Variants in XCR1 observed in about 807,000 individuals in gnomAD.
The protein encoded by XCR1 is chemokine XC receptor 1.
For synonymous variants in XCR1, 187 were observed against 188.5 expected (o/e 0.99, Z 0.06); for missense variants, 356 against 424.2 (o/e 0.84, Z 1.41).
intron 4 of XCR1, among the ~76,000 whole-genome samples, chr3:46,058,898 T>C (rs1276436500): frequency 6.6e-6 from 1 of 152,110 alleles, no homozygotes; most frequent in Non-Finnish European, 1.5e-5. Context: ...AAGGCATTGA[T>C]TGGGAAGTAA....
At position 46,021,021 on chromosome 3, in the gene XCR1, C is replaced by T; in HGVS notation, c.927G>A (p.Arg309=). The change falls in exon 2 of 2, where the codon CGG becomes CGA. Residue 309 remains arginine (R), a synonymous_variant. Coordinates refer to ENST00000309285, the MANE Select transcript of XCR1 (RefSeq NM_001024644.2). This position sits in a 1 kb window ranked among gnomAD's most constrained non-coding sequence, Gnocchi z 4.7. ...KHVLRQFWFC[R]LQAPSPASIP... The stretch of plus-strand genomic sequence containing the variant: ...TCGAGGCTGGGCTGGGTGCCTGCAG[C>T]CGGCAGAACCAGAACTGCCGGAGAA... The T allele has an allele frequency of 6.2e-7, 1 of 1,613,464 alleles. No homozygotes were observed. The highest frequency in any genetic ancestry group is 8.5e-7 in the Non-Finnish European group (1 of 1,179,662).
chr3:46,042,052 T>TG (rs1697545137), intron 5 of XCR1, among the ~76,000 whole-genome samples: 1 of 152,196 alleles, frequency 6.6e-6, no homozygotes, highest in Admixed American at 6.5e-5. Flanking sequence ...AGTGAACCAC[T>TG]GGTGTTTCAG....
chr3:46,053,330 G>A (rs1480014650), intron 5 of XCR1, among the ~76,000 whole-genome samples: 1 of 145,428 alleles, frequency 6.9e-6, no homozygotes, highest in Non-Finnish European at 1.5e-5. Context: ...AATAGGAAAA[G>A]CACGAGGTCC....
chr3:46,065,023 G>T (rs1012572140), intron 4 of XCR1, among the ~76,000 whole-genome samples: 2 of 152,050 alleles, frequency 1.3e-5, no homozygotes, highest in Non-Finnish European at 2.9e-5. Flanking sequence ...CCAGCAAGGT[G>T]CAGGTTGTGG....
At chr3:46,070,642 T>C (rs961138707) in intron 3 of XCR1, among the ~76,000 whole-genome samples, 9 of 152,120 alleles carry the variant, frequency 5.9e-5, no homozygotes, top group Non-Finnish European at 1.0e-4. Flanking sequence ...ACCCCTTTAC[T>C]TTCAGTATAT....
chr3:46,048,963 G>A (rs887185992), intron 5 of XCR1, among the ~76,000 whole-genome samples: 1 of 152,170 alleles, frequency 6.6e-6, no homozygotes, highest in Non-Finnish European at 1.5e-5. Flanking sequence ...ATAGCCCAAA[G>A]CTGCAAGAAA....
At chr3:46,037,135 G>A (rs543814196) in intron 5 of XCR1, among the ~76,000 whole-genome samples, 11 of 152,158 alleles carry the variant, frequency 7.2e-5, no homozygotes, top group South Asian at 2.1e-4. Context: ...TTGCCTCATA[G>A]TATTTCACTA....
chr3:46,073,628 G>A (rs1432217891), intron 3 of XCR1, among the ~76,000 whole-genome samples: 1 of 152,022 alleles, frequency 6.6e-6, no homozygotes, highest in Non-Finnish European at 1.5e-5. Flanking sequence ...AAACAACAGA[G>A]TGGACAGAGA....
At position 46,021,792 on chromosome 3, in the gene XCR1, G is replaced by T; in HGVS notation, c.156C>A (p.Val52=). The change falls in exon 2 of 2, where the codon GTC becomes GTA. Residue 52 remains valine, a synonymous_variant. Transcript: ENST00000309285. This position sits in a 1 kb window ranked among gnomAD's most constrained non-coding sequence, Gnocchi z 4.7. ...TCTCATACTTCACCAGGACCCACAG[G>T]ACCAGGCTGTTGCCCACTAGGCTGA... ...FLLSLVGNSL[V]LWVLVKYESL... 2.5e-6 allele frequency: 4 copies of T among 1,614,142 alleles called. No homozygotes were observed. Among genetic ancestry groups the T allele is most frequent in the Non-Finnish European group, 3.4e-6 (4 of 1,180,030 alleles).
chr3:46,043,134 A>G (rs1447280165), intron 5 of XCR1, among the ~76,000 whole-genome samples: 1 of 152,192 alleles, frequency 6.6e-6, no homozygotes, highest in Non-Finnish European at 1.5e-5. Context: ...TTTCATGATA[A>G]AAACACTCAG....
intron 5 of XCR1, among the ~76,000 whole-genome samples, chr3:46,043,919 A>G (rs62242840): frequency 0.017 from 2,584 of 152,136 alleles, 28 homozygotes; most frequent in Non-Finnish European, 0.026. Flanking sequence ...TCTTGCCAAC[A>G]CTTGTTGTTT....
At chr3:46,048,827 G>T (rs1318522910) in intron 5 of XCR1, among the ~76,000 whole-genome samples, 1 of 152,158 alleles carries the variant, frequency 6.6e-6, no homozygotes, top group Non-Finnish European at 1.5e-5. Flanking sequence ...ATATAGTTTT[G>T]ATTGAGGTGG....
At chr3:46,023,637 C>A (rs1708216940) in intron 1 of XCR1, 2 of 1,360,362 alleles carry the variant, frequency 1.5e-6, no homozygotes, top group Non-Finnish European at 2.1e-6. Flanking sequence ...GCCAGAGCCC[C>A]CTTTCTCAGA....
chr3:46,065,717 C>A (rs1405044709), intron 4 of XCR1, among the ~76,000 whole-genome samples: 1 of 152,190 alleles, frequency 6.6e-6, no homozygotes, highest in East Asian at 1.9e-4. Context: ...TCAAGCAGAG[C>A]AAATTACTGC....
chr3:46,051,649 G>T (rs1466954872), intron 5 of XCR1, among the ~76,000 whole-genome samples: 1 of 152,228 alleles, frequency 6.6e-6, no homozygotes, highest in Non-Finnish European at 1.5e-5. Context: ...CTTTTGTGGA[G>T]AAGGGTGTAA....
intron 3 of XCR1, among the ~76,000 whole-genome samples, chr3:46,074,240 T>TTTTTTTTTTTTTA (rs1698214831): frequency 1.5e-5 from 2 of 129,870 alleles, no homozygotes; most frequent in Admixed American, 7.6e-5. Flanking sequence ...TTTTTTTTTT[T>TTTTTTTTTTTTTA]GAGACAGGGT....
intron 4 of XCR1, among the ~76,000 whole-genome samples, chr3:46,059,102 G>A (rs1697913296): frequency 1.3e-5 from 2 of 152,158 alleles, no homozygotes; most frequent in Non-Finnish European, 2.9e-5. Flanking sequence ...ATATGAGACA[G>A]GCCCGAGCCA....
At position 46,020,992 on chromosome 3, in the gene XCR1, G is replaced by A. The variant is rs201758126; in HGVS notation, c.956C>T (p.Pro319Leu). The A allele has an allele frequency of 1.9e-6, 3 of 1,612,774 alleles. No homozygotes were observed. The African/African-American group carries it at 4.0e-5, about 22-fold the overall frequency. The change falls in exon 2 of 2, where the codon CCC (proline) becomes CTC (leucine). Residue 319 changes from proline (P) to leucine (L), a missense_variant. Pro to Leu is a moderately conservative substitution (Grantham distance 98). Transcript: ENST00000309285. ...RLQAPSPASIPHSPGAFAYEG... is the reference protein window; with the variant it reads ...RLQAPSPASILHSPGAFAYEG... ...ATAGGCGAAGGCACCAGGGGAGTGG[G>A]GGATCGAGGCTGGGCTGGGTGCCTG...
intron 4 of XCR1, among the ~76,000 whole-genome samples, chr3:46,064,977 G>T (rs929038456): frequency 6.6e-6 from 1 of 152,168 alleles, no homozygotes; most frequent in African/African-American, 2.4e-5. Flanking sequence ...TGTAATCCCA[G>T]CTACTCGGGA....
Sources: allele counts gnomAD v4.1 joint callset (sites outside exome capture counted in the v4.1 genomes callset), GRCh38; gene constraint gnomAD v4.1.1; non-coding constraint Gnocchi (gnomAD v3.1); transcripts MANE v1.5; gene names NCBI Gene and HGNC (gene_info 2026-07-23, HGNC 2026-07-21).